The following CAMKMT variants were observed in gnomAD, a reference collection of about 807,000 sequenced individuals.
The protein encoded by CAMKMT is calmodulin-lysine N-methyltransferase.
Under a neutral mutation model 48.0 loss-of-function variants are expected in CAMKMT, and 53 were observed. The observed-to-expected ratio is 1.10, with a 90% CI of 0.89 to 1.39. The LOEUF is 1.39. Ranked by LOEUF, CAMKMT falls within the 40% of genes most tolerant of loss-of-function variation. The pLI is 0.00. For missense variants in CAMKMT, 428 were observed against 402.7 expected, an observed-to-expected ratio of 1.06 and a Z score of -0.54; for synonymous variants, 165 against 152.3, an observed-to-expected ratio of 1.08 and a Z score of -0.61.
intron 3 of CAMKMT, among the ~76,000 whole-genome samples, chr2:44,685,929 C>G (rs1285216993): frequency 1.3e-5 from 2 of 151,908 alleles, no homozygotes; most frequent in African/African-American, 2.4e-5. Flanking sequence ...TTTGTGTCCT[C>G]TTTTAACACT....
rs112568873 is a variant in CAMKMT, at chr2:44,654,373, A to G, written c.377-49910A>G. Among the ~76,000 whole-genome samples the G allele has an allele frequency of 2.0e-3, 309 of 152,272 alleles. 1 individual carries two copies. In the Middle Eastern group the frequency reaches 0.024, roughly 12 times the overall value. On this transcript the variant is annotated intron_variant, in intron 3 of 10. Coordinates refer to ENST00000378494, the MANE Select transcript of CAMKMT (RefSeq NM_024766.5). ...TAATACATATTCATGGTAGAGAAAA[A>G]TTAGAAAATATAGGTAATCATGAAG...
At position 44,489,792 on chromosome 2, in the gene CAMKMT, A is replaced by G. The variant is rs533657993; in HGVS notation, c.376+99487A>G. On this transcript the variant is annotated intron_variant, in intron 3 of 10. Transcript: ENST00000378494. Reference sequence around the variant, plus strand: ...CAAGAAAAACCTAATTTAAAATGAAATTAAAAAAACACTTTCAATGAGAAC... The same window carrying G: ...CAAGAAAAACCTAATTTAAAATGAAGTTAAAAAAACACTTTCAATGAGAAC... 5.3e-5 allele frequency among the ~76,000 whole-genome samples: 8 copies of G among 152,328 alleles called. No individual in the cohort carries two copies. In the East Asian group the frequency reaches 1.2e-3, roughly 22 times the overall value.
intron 10 of CAMKMT, among the ~76,000 whole-genome samples, chr2:44,767,245 C>A (rs1680882475): frequency 6.6e-6 from 1 of 152,188 alleles, no homozygotes; most frequent in Non-Finnish European, 1.5e-5. Context: ...TAGTACATGT[C>A]ACAGTGACTA....
intron 3 of CAMKMT, among the ~76,000 whole-genome samples, chr2:44,443,644 A>G (rs908976326): frequency 6.6e-6 from 1 of 152,222 alleles, no homozygotes; most frequent in African/African-American, 2.4e-5. Flanking sequence ...TAATGAAGCC[A>G]GAGAAGAATA....
At chr2:44,605,168 T>C (rs1297800560) in intron 3 of CAMKMT, among the ~76,000 whole-genome samples, 1 of 152,178 alleles carries the variant, frequency 6.6e-6, no homozygotes, top group Non-Finnish European at 1.5e-5. Flanking sequence ...CTCTTGAGGA[T>C]GAAGAAGCCG....
At chr2:44,683,810 G>A (rs184302916) in intron 3 of CAMKMT, among the ~76,000 whole-genome samples, 2,216 of 101,336 alleles carry the variant, frequency 0.022, 54 homozygotes, top group East Asian at 0.11. Context: ...GCGACAGAGC[G>A]AGACTCTGTC....
chr2:44,702,861 G>C (rs1213119818), intron 3 of CAMKMT, among the ~76,000 whole-genome samples: 1 of 152,146 alleles, frequency 6.6e-6, no homozygotes, highest in African/African-American at 2.4e-5. Context: ...TCTCTTAGGA[G>C]TTTACTTAAC....
At chr2:44,604,204 C>T (rs1162007512) in intron 3 of CAMKMT, among the ~76,000 whole-genome samples, 2 of 152,162 alleles carry the variant, frequency 1.3e-5, no homozygotes, top group African/African-American at 4.8e-5. Flanking sequence ...GAAAGGAATA[C>T]AGATTTAGTA....
At chr2:44,413,106 A>G (rs1683322438) in intron 3 of CAMKMT, among the ~76,000 whole-genome samples, 1 of 151,914 alleles carries the variant, frequency 6.6e-6, no homozygotes, top group Non-Finnish European at 1.5e-5. Context: ...AATTAAATAA[A>G]TAAATAAATA....
rs1674421607 is a variant in CAMKMT at position 44,657,098 on chromosome 2, G to A, written c.377-47185G>A. On this transcript the variant is annotated intron_variant, in intron 3 of 10. Transcript: ENST00000378494. The surrounding 1 kb of genome is among the most constrained non-coding windows in gnomAD (Gnocchi z 4.3). ...ATCCTTCAGATATCTGAGGATACAG[G>A]CAGTTGCTAATTTGTTCTAATGTGC... Among the ~76,000 whole-genome samples the A allele has an allele frequency of 6.6e-6, 1 of 152,158 alleles. No homozygotes were observed.
intron 4 of CAMKMT, 128 bp from the exon 5 acceptor site, chr2:44,706,159 A>G (rs546882002): frequency 1.6e-4 from 132 of 803,168 alleles, no homozygotes; most frequent in Non-Finnish European, 2.5e-4. Context: ...TAGCCTAGTC[A>G]TGTCTCTACA....
intron 3 of CAMKMT, among the ~76,000 whole-genome samples, chr2:44,660,823 G>A (rs963567598): frequency 2.0e-5 from 3 of 152,126 alleles, no homozygotes; most frequent in Non-Finnish European, 4.4e-5. Context: ...TGCCCAGGCT[G>A]GTCTTGAACT....
chr2:44,479,998 T>C (rs1270234626), intron 3 of CAMKMT, among the ~76,000 whole-genome samples: 2 of 152,186 alleles, frequency 1.3e-5, no homozygotes, highest in African/African-American at 4.8e-5. Flanking sequence ...ATTGTTAATG[T>C]TGACTGCTGC....
chr2:44,661,627 G>A (rs529005898), intron 3 of CAMKMT, among the ~76,000 whole-genome samples: 4 of 152,128 alleles, frequency 2.6e-5, no homozygotes, highest in Admixed American at 6.5e-5. Context: ...TAGAATCTCC[G>A]TTACAGTGTG....
At chr2:44,442,801 C>G (rs1666751456) in intron 3 of CAMKMT, among the ~76,000 whole-genome samples, 1 of 152,188 alleles carries the variant, frequency 6.6e-6, no homozygotes, top group Admixed American at 6.5e-5. Context: ...TGTCTGTCAT[C>G]CCTCTTTCTG....
chr2:44,476,668 C>A (rs185654102), intron 3 of CAMKMT, among the ~76,000 whole-genome samples: 281 of 151,298 alleles, frequency 1.9e-3, no homozygotes, highest in African/African-American at 6.6e-3. Context: ...AAAAAAAATG[C>A]TTAGAATCAT....
intron 3 of CAMKMT, among the ~76,000 whole-genome samples, chr2:44,645,546 C>T (rs1306468689): frequency 3.9e-5 from 6 of 152,172 alleles, no homozygotes; most frequent in Admixed American, 3.9e-4. Context: ...CTAGACCGGG[C>T]ACAATGGCTC....
At chr2:44,770,487 C>G (rs1288842905) in intron 10 of CAMKMT, among the ~76,000 whole-genome samples, 4 of 152,230 alleles carry the variant, frequency 2.6e-5, no homozygotes, top group Non-Finnish European at 5.9e-5. Context: ...ATTTGAGTCT[C>G]TGTATATTAG....
At chr2:44,651,335 C>G (rs17390260) in intron 3 of CAMKMT, among the ~76,000 whole-genome samples, 11,585 of 152,246 alleles carry the variant, frequency 0.076, 616 homozygotes, top group Non-Finnish European at 0.11. Context: ...ATGCAGACAT[C>G]AAAAGTTCTT....
Sources: allele counts gnomAD v4.1 joint callset (sites outside exome capture counted in the v4.1 genomes callset), GRCh38; gene constraint gnomAD v4.1.1; non-coding constraint Gnocchi (gnomAD v3.1); transcripts MANE v1.5; gene names NCBI Gene and HGNC (gene_info 2026-07-23, HGNC 2026-07-21).